The following SPNS2 variants were observed in gnomAD, a reference collection of about 807,000 sequenced individuals.
SPNS2 encodes SPNS lysolipid transporter 2, sphingosine-1-phosphate.
Under a neutral mutation model 57.6 loss-of-function variants are expected in SPNS2, and 37 were observed. The observed-to-expected ratio is 0.64, with a 90% CI of 0.49 to 0.85. The LOEUF (loss-of-function observed/expected upper bound fraction) is 0.85, where lower values mean the gene tolerates loss of function less well. SPNS2 is among the 40% of genes least tolerant of loss of function. The pLI is 0.00. For missense variants in SPNS2, 831 were observed against 779.1 expected (o/e 1.07, Z -0.79); for synonymous variants, 440 against 346.9 (o/e 1.27, Z -2.98).
intron 2 of SPNS2, among the ~76,000 whole-genome samples, chr17:4,522,099 C>A (rs551605534): frequency 6.6e-6 from 1 of 152,018 alleles, no homozygotes; most frequent in African/African-American, 2.4e-5. Context: ...CTTGGGAGGC[C>A]GAGGCAAGAG....
chr17:4,534,480 G>C (rs919233824), intron 9 of SPNS2: 1 of 157,468 alleles, frequency 6.4e-6, no homozygotes, highest in Non-Finnish European at 1.4e-5. Flanking sequence ...GGGTCAGGAG[G>C]GGACAGGAGA....
chr17:4,502,361 CAG>C (rs1421493850), intron 1 of SPNS2, among the ~76,000 whole-genome samples: 1 of 143,650 alleles, frequency 7.0e-6, no homozygotes, highest in African/African-American at 2.6e-5. Context: ...GCCTGGGTGA[CAG>C]AGTGAGGCTC....
At chr17:4,525,296 TC>T in intron 3 of SPNS2, 103 bp downstream of exon 3, 4 of 1,478,788 alleles carry the variant, frequency 2.7e-6, no homozygotes, top group Non-Finnish European at 3.7e-6. Context: ...GGCTTCCAGC[TC>T]CTTTGCTTGA....
At chr17:4,530,952 GC>G in intron 4 of SPNS2, 100 bp from the exon 5 acceptor site, 1 of 1,505,798 alleles carries the variant, frequency 6.6e-7, no homozygotes, top group Non-Finnish European at 9.0e-7. Context: ...TGGCCAGCTG[GC>G]TGGGTGGGGA....
rs1905980797 is a variant in SPNS2, at chr17:4,538,263, C to A, written c.*815C>A. ...TGCCACCACCCCCCAAGCCAGGACC[C>A]CACTCCTTCCCCGAGGCTGAGCTGA... On this transcript the variant is annotated 3_prime_UTR_variant, in exon 13 of 13. Transcript: ENST00000329078. The A allele has an allele frequency of 5.2e-6, 1 of 193,876 alleles. No homozygotes were observed. Among genetic ancestry groups the A allele is most frequent in the Non-Finnish European group, 1.1e-5 (1 of 93,058 alleles). The allele number at this position is 193,876 out of a possible 1,614,324, so 12.0% of individuals were successfully genotyped here.
intron 2 of SPNS2, 86 bp downstream of exon 2, chr17:4,513,398 C>A: frequency 7.2e-7 from 1 of 1,393,230 alleles, no homozygotes; most frequent in Non-Finnish European, 1.0e-6. Context: ...GCCACCCGGT[C>A]TGTCTTCCCC....
Position 4,511,321 on chromosome 17 carries a change from T to C in SPNS2, c.371-1926T>C, listed in dbSNP as rs1234657335. Among the ~76,000 whole-genome samples, 1 of 152,176 alleles carries C rather than the reference T, an allele frequency of 6.6e-6. No homozygotes were observed. The highest frequency in any genetic ancestry group is 1.5e-5 in the Non-Finnish European group (1 of 68,024). Reference sequence around the variant, plus strand: ...GAAGAAGTGGCAGGAGTGAGCCTGGTTGACGGAGTTGTACCAGAATAGAAG... The same window carrying C: ...GAAGAAGTGGCAGGAGTGAGCCTGGCTGACGGAGTTGTACCAGAATAGAAG... On this transcript the variant is annotated intron_variant, in intron 1 of 12. Coordinates refer to ENST00000329078, the MANE Select transcript of SPNS2 (RefSeq NM_001124758.3). The surrounding 1 kb of genome is among the most constrained non-coding windows in gnomAD (Gnocchi z 4.6).
chr17:4,536,092 C>T lies in SPNS2; in HGVS notation c.1361C>T (p.Thr454Met), dbSNP rs567610396. The change falls in exon 10 of 13, where the codon ACG becomes ATG. Residue 454 changes from threonine (T) to methionine (M), a missense_variant. This residue lies in a region of SPNS2 where 526 missense variants were observed against 400.9 expected (regional missense o/e 1.31). Coordinates refer to ENST00000329078, the MANE Select transcript of SPNS2 (RefSeq NM_001124758.3). ...GTTCCGCAGTACGTGGTCATCCCCACGCGGCGCGCCACTGCCGTGGCCTTG... is the reference window on the plus strand; with the variant it reads ...GTTCCGCAGTACGTGGTCATCCCCATGCGGCGCGCCACTGCCGTGGCCTTG... ...ADILMYVVIP[T>M]RRATAVALQS... 34 of 1,611,972 alleles carry T rather than the reference C, an allele frequency of 2.1e-5. No individual in the cohort carries two copies. The highest frequency in any genetic ancestry group is 3.3e-5 in the Admixed American group (2 of 59,986).
chr17:4,501,110 C>G (rs981107914), intron 1 of SPNS2, among the ~76,000 whole-genome samples: 3 of 152,138 alleles, frequency 2.0e-5, no homozygotes, highest in Non-Finnish European at 4.4e-5. Flanking sequence ...CTGTACAGCC[C>G]CCGTTCAAGA....
At chr17:4,508,289 C>T (rs1243652230) in intron 1 of SPNS2, among the ~76,000 whole-genome samples, 1 of 152,186 alleles carries the variant, frequency 6.6e-6, no homozygotes, top group Non-Finnish European at 1.5e-5. Context: ...TGTGTGATTC[C>T]AGGGAACTCA....
At chr17:4,505,272 G>C (rs1904642795) in intron 1 of SPNS2, among the ~76,000 whole-genome samples, 1 of 152,160 alleles carries the variant, frequency 6.6e-6, no homozygotes, top group African/African-American at 2.4e-5. Context: ...ACTGAGACTT[G>C]GGTTGACTCA....
chr17:4,535,510 G>C (rs559781872), intron 9 of SPNS2, among the ~76,000 whole-genome samples: 1 of 152,326 alleles, frequency 6.6e-6, no homozygotes, highest in South Asian at 2.1e-4. Flanking sequence ...AGGTCCAAGG[G>C]CAGAAGCCAA....
chr17:4,514,929 C>T (rs778866675), intron 2 of SPNS2, among the ~76,000 whole-genome samples: 6 of 152,214 alleles, frequency 3.9e-5, no homozygotes, highest in Admixed American at 6.5e-5. Flanking sequence ...GGACCTGGCC[C>T]GAGCCTCATC....
At chr17:4,532,156 GTCTGTCCA>G (rs57322707) in intron 5 of SPNS2, among the ~76,000 whole-genome samples, 49,058 of 149,784 alleles carry the variant, frequency 0.33, 8,201 homozygotes, top group Admixed American at 0.43. Flanking sequence ...CTGTCCATCC[GTCTGTCCA>G]TCTGTCCATC....
At position 4,501,952 on chromosome 17, in the gene SPNS2, T is replaced by C. The variant is rs866411599; in HGVS notation, c.370+2535T>C. Among the ~76,000 whole-genome samples the C allele has an allele frequency of 2.6e-5, 4 of 152,198 alleles. No individual in the cohort carries two copies. The South Asian group carries it at 8.3e-4, about 32-fold the overall frequency. ...CCAGCTTTGTCCAAAAGAAATATAA[T>C]GTAAGCCACATATTCCTGTCAAATT... On this transcript the variant is annotated intron_variant, in intron 1 of 12. Coordinates refer to ENST00000329078, the MANE Select transcript of SPNS2 (RefSeq NM_001124758.3).
In SPNS2 at chr17:4,528,712, G is replaced by A. The variant is rs370968479; in HGVS notation, c.574-1920G>A. Among the ~76,000 whole-genome samples, 7 of 151,640 alleles carry A rather than the reference G, an allele frequency of 4.6e-5. No homozygotes were observed. In the East Asian group the frequency reaches 1.4e-3, roughly 30 times the overall value. On this transcript the variant is annotated intron_variant, in intron 3 of 12. Transcript: ENST00000329078. ...GGCTGGTCTCGAACTCCTGACCTCA[G>A]GTGATCCACTTGCCTTGACTTCCCA...
intron 6 of SPNS2, 52 bp from the exon 7 acceptor site, chr17:4,532,925 G>C: frequency 6.4e-7 from 1 of 1,569,134 alleles, no homozygotes; most frequent in Non-Finnish European, 8.6e-7. Context: ...GGGCTGCCTA[G>C]GGGGGTGAAG....
chr17:4,524,071 C>T lies in SPNS2; in HGVS notation c.437-986C>T, dbSNP rs547261200. Among the ~76,000 whole-genome samples the T allele has an allele frequency of 1.7e-4, 26 of 152,274 alleles. No homozygotes were observed. The East Asian group carries it at 1.9e-3, about 11-fold the overall frequency. ...TCAGCCATTAGGAAAGGCCCTGCGG[C>T]GCGCTGGGAGTGAGGGCAGCTGTGT... is the stretch of plus-strand genomic sequence containing the variant. On this transcript the variant is annotated intron_variant, in intron 2 of 12. Transcript: ENST00000329078.
intron 2 of SPNS2, among the ~76,000 whole-genome samples, chr17:4,513,778 C>CA (rs1904914579): frequency 6.6e-6 from 1 of 152,198 alleles, no homozygotes; most frequent in Non-Finnish European, 1.5e-5. Flanking sequence ...GGTGACGAAG[C>CA]AAAAAACTCC....
Sources: allele counts gnomAD v4.1 joint callset (sites outside exome capture counted in the v4.1 genomes callset), GRCh38; gene constraint gnomAD v4.1.1; regional missense constraint gnomAD v4.1.1; non-coding constraint Gnocchi (gnomAD v3.1); transcripts MANE v1.5; gene names NCBI Gene and HGNC (gene_info 2026-07-23, HGNC 2026-07-21).